Variants in YPEL2 observed in about 807,000 individuals in gnomAD.
The protein encoded by YPEL2 is protein yippee-like 2.
Under a neutral mutation model 19.1 loss-of-function variants are expected in YPEL2, and 2 were observed. The ratio of observed to expected loss-of-function variants is 0.10; its 90% CI spans 0.04 to 0.33. The LOEUF is 0.33. YPEL2 is among the 10% of genes least tolerant of loss of function. The pLI is 1.00. For synonymous variants in YPEL2, 52 were observed against 50.0 expected (o/e 1.04, Z -0.17); for missense variants, 66 against 140.7 (o/e 0.47, Z 2.68).
At chr17:59,352,372 C>A (rs1374363689) in intron 1 of YPEL2, among the ~76,000 whole-genome samples, 1 of 152,104 alleles carries the variant, frequency 6.6e-6, no homozygotes, top group Admixed American at 6.5e-5. Flanking sequence ...ACCTTGGGAG[C>A]CACCTCACTT....
chr17:59,337,059 T>A (rs2047702130), intron 1 of YPEL2, among the ~76,000 whole-genome samples: 1 of 152,202 alleles, frequency 6.6e-6, no homozygotes, highest in South Asian at 2.1e-4. Context: ...GCCCTTTGCT[T>A]TATGGAAGGA....
At chr17:59,345,510 T>C (rs1461695501) in intron 1 of YPEL2, among the ~76,000 whole-genome samples, 1 of 152,136 alleles carries the variant, frequency 6.6e-6, no homozygotes, top group African/African-American at 2.4e-5. Flanking sequence ...CTGAGATTAG[T>C]AGAGTCAGTG....
chr17:59,385,953 T>C (rs912031560), intron 2 of YPEL2, among the ~76,000 whole-genome samples: 8 of 152,194 alleles, frequency 5.3e-5, no homozygotes, highest in Non-Finnish European at 8.8e-5. Flanking sequence ...GGCGCACACC[T>C]TCAGGGAGCT....
At chr17:59,337,800 T>C (rs1005794898) in intron 1 of YPEL2, among the ~76,000 whole-genome samples, 12 of 152,170 alleles carry the variant, frequency 7.9e-5, no homozygotes, top group African/African-American at 2.7e-4. Context: ...TTTGGAGATA[T>C]ACACACTGAG....
At chr17:59,344,117 C>T in intron 1 of YPEL2, among the ~76,000 whole-genome samples, 1 of 152,168 alleles carries the variant, frequency 6.6e-6, no homozygotes, top group Non-Finnish European at 1.5e-5. Flanking sequence ...TGGTCTGGAA[C>T]TCCTGGGCTC....
intron 2 of YPEL2, among the ~76,000 whole-genome samples, chr17:59,377,648 A>G (rs2047928963): frequency 6.6e-6 from 1 of 152,156 alleles, no homozygotes; most frequent in African/African-American, 2.4e-5. Context: ...TTCTAACCCC[A>G]TGCCACAGAC....
intron 2 of YPEL2, among the ~76,000 whole-genome samples, chr17:59,380,091 C>A (rs2047941274): frequency 6.6e-6 from 1 of 151,042 alleles, no homozygotes. Context: ...GAACTCCCGA[C>A]CTCAAGTGAT....
chr17:59,367,656 C>T (rs1370882416), intron 2 of YPEL2, among the ~76,000 whole-genome samples: 3 of 152,184 alleles, frequency 2.0e-5, no homozygotes, highest in African/African-American at 4.8e-5. Flanking sequence ...CAAGAGGAAT[C>T]TCAAACCAGC....
rs59853386 is a variant in YPEL2, at chr17:59,388,011, T to A, written c.118-316T>A. ...AGGAAACGCCAATGCGGATTAATGATCTCAGGTGAATTAATTACATCAGGC... is the reference window on the plus strand; with the variant it reads ...AGGAAACGCCAATGCGGATTAATGAACTCAGGTGAATTAATTACATCAGGC... On this transcript the variant is annotated intron_variant, in intron 2 of 4. Coordinates refer to ENST00000312655, the MANE Select transcript of YPEL2 (RefSeq NM_001005404.4). Among the ~76,000 whole-genome samples the A allele has an allele frequency of 3.3e-3, 503 of 152,266 alleles. 7 individuals carry two copies. Among genetic ancestry groups the A allele is most frequent in the African/African-American group, 0.012 (482 of 41,574 alleles).
At position 59,397,892 on chromosome 17, in the gene YPEL2, G is replaced by T. The variant is rs530501278; in HGVS notation, c.*702G>T. ...AGTGACCTGGGCAGTGGCCAGGTGG[G>T]TGCGATGACTCTGATGCCTCACTCA... On this transcript the variant is annotated 3_prime_UTR_variant, in exon 5 of 5. Transcript: ENST00000312655. The T allele has an allele frequency of 2.0e-5, 3 of 152,096 alleles. No individual in the cohort carries two copies. The South Asian group carries it at 6.2e-4, about 32-fold the overall frequency. 9.4% of individuals were successfully genotyped at this position (152,096 alleles called of 1,614,324 possible).
chr17:59,397,145 C>T lies in YPEL2; in HGVS notation c.315C>T (p.Tyr105=). 1 of 1,612,912 alleles carries T rather than the reference C, an allele frequency of 6.2e-7. No individual in the cohort carries two copies. Among genetic ancestry groups the T allele is most frequent in the Non-Finnish European group, 8.5e-7 (1 of 1,179,438 alleles). The change falls in exon 5 of 5, where the codon TAC becomes TAT. Residue 105 remains tyrosine (Y), a synonymous_variant. Coordinates refer to ENST00000312655, the MANE Select transcript of YPEL2 (RefSeq NM_001005404.4). ...ESSQKYKEGK[Y]IIELAHMIKD... ...GCCAGAAATATAAAGAAGGCAAATA[C>T]ATCATTGAACTAGCACACATGATCA...
In YPEL2 at chr17:59,379,327, C is replaced by T. The variant is rs80122891; in HGVS notation, c.118-9000C>T. Among the ~76,000 whole-genome samples the T allele has an allele frequency of 3.0e-3, 453 of 152,206 alleles. 1 individual carries two copies. Among genetic ancestry groups the T allele is most frequent in the Non-Finnish European group, 4.7e-3 (320 of 68,010 alleles). ...ATGGAACCTATAGCTTACTTTGACC[C>T]AATATAGGAAAGCTCACCAGGCCTA... On this transcript the variant is annotated intron_variant, in intron 2 of 4. Coordinates refer to ENST00000312655, the MANE Select transcript of YPEL2 (RefSeq NM_001005404.4).
chr17:59,374,920 T>C (rs1476076793), intron 2 of YPEL2, among the ~76,000 whole-genome samples: 1 of 152,186 alleles, frequency 6.6e-6, no homozygotes, highest in Non-Finnish European at 1.5e-5. Context: ...GTTTAGCCCA[T>C]AGAAGGAAAA....
intron 2 of YPEL2, among the ~76,000 whole-genome samples, chr17:59,369,733 C>T (rs1324316303): frequency 6.6e-6 from 1 of 152,244 alleles, no homozygotes; most frequent in Non-Finnish European, 1.5e-5. Flanking sequence ...CCCTAATGTC[C>T]GCTGCCTGCC....
chr17:59,383,396 A>G (rs2047959858), intron 2 of YPEL2, among the ~76,000 whole-genome samples: 1 of 150,440 alleles, frequency 6.6e-6, no homozygotes, highest in African/African-American at 2.4e-5. Context: ...CAGGAGATTG[A>G]GACCATCCTG....
chr17:59,398,981 A>T lies in YPEL2; in HGVS notation c.*1791A>T, dbSNP rs1217990952. The stretch of plus-strand genomic sequence containing the variant: ...CTGATGGTGGAATGGGAGCCCCAAG[A>T]CGTGTGGGCTTAGAAATCAACTTTT... On this transcript the variant is annotated 3_prime_UTR_variant, in exon 5 of 5. Transcript: ENST00000312655. The T allele has an allele frequency of 6.6e-6, 1 of 152,166 alleles. No homozygotes were observed. Among genetic ancestry groups the T allele is most frequent in the Non-Finnish European group, 1.5e-5 (1 of 68,020 alleles). The allele number at this position is 152,166 out of a possible 1,614,324, so 9.4% of individuals were successfully genotyped here.
chr17:59,353,297 C>G lies in YPEL2; in HGVS notation c.-113C>G. On this transcript the variant is annotated 5_prime_UTR_variant, in exon 2 of 5. Coordinates refer to ENST00000312655, the MANE Select transcript of YPEL2 (RefSeq NM_001005404.4). The surrounding 1 kb of genome is among the most constrained non-coding windows in gnomAD (Gnocchi z 4.8). ...CAGTGTGTGGAGCCTGCCACACCCACCCGCTGCCAAACCACGGCCTTTACC... is the reference window on the plus strand; with the variant it reads ...CAGTGTGTGGAGCCTGCCACACCCAGCCGCTGCCAAACCACGGCCTTTACC... 1.4e-6 allele frequency: 1 copy of G among 739,784 alleles called. No homozygotes were observed. The highest frequency in any genetic ancestry group is 2.3e-6 in the Non-Finnish European group (1 of 439,726). The allele number at this position is 739,784 out of a possible 1,614,324, so 45.8% of individuals were successfully genotyped here.
At position 59,399,381 on chromosome 17, in the gene YPEL2, A is replaced by G. The variant is rs2048058316; in HGVS notation, c.*2191A>G. The G allele has an allele frequency of 6.6e-6, 1 of 152,220 alleles. No homozygotes were observed. The highest frequency in any genetic ancestry group is 2.4e-5 in the African/African-American group (1 of 41,434). The allele number at this position is 152,220 out of a possible 1,614,324, so 9.4% of individuals were successfully genotyped here. A position where few individuals can be genotyped will look rare whatever the true frequency, so the allele number is the denominator to read the frequency against. On this transcript the variant is annotated 3_prime_UTR_variant, in exon 5 of 5. Coordinates refer to ENST00000312655, the MANE Select transcript of YPEL2 (RefSeq NM_001005404.4). ...CATGGGGTAGGTATTTTGTCTTTCA[A>G]ACTACAAATGGAATGTGGTGACATA...
intron 1 of YPEL2, among the ~76,000 whole-genome samples, chr17:59,347,543 T>TGAG (rs1476539598): frequency 2.6e-5 from 4 of 152,292 alleles, no homozygotes; most frequent in Non-Finnish European, 4.4e-5. Context: ...TGGGTGGATT[T>TGAG]GAGGGGGAAA....
Sources: gnomAD v4.1 joint callset for allele counts (sites outside exome capture counted in the v4.1 genomes callset) on GRCh38, gnomAD v4.1.1 for gene constraint, Gnocchi (gnomAD v3.1) non-coding constraint, MANE v1.5 for transcripts, NCBI Gene and HGNC (gene_info 2026-07-23, HGNC 2026-07-21) for gene names.